The following RTL4 variants were observed in gnomAD, a reference collection of about 807,000 sequenced individuals.
The protein encoded by RTL4 is retrotransposon Gag like 4.
RTL4 carries 4 observed loss-of-function variants against 5.3 expected under a neutral mutation model. The observed-to-expected ratio is 0.75, with a 90% CI of 0.37 to 1.72. RTL4 has a LOEUF of 1.72. Ranked by LOEUF, RTL4 falls within the 40% of genes most tolerant of loss-of-function variation. The pLI is 0.04. For missense variants in RTL4, 260 were observed against 227.1 expected, an observed-to-expected ratio of 1.14 and a Z score of -0.93; for synonymous variants, 98 against 87.3, an observed-to-expected ratio of 1.12 and a Z score of -0.68.
At chrX:112,327,820 C>A in the RTL4 span, among the ~76,000 whole-genome samples, 1 of 111,755 alleles carries the variant, frequency 8.9e-6, no homozygotes, top group East Asian at 2.8e-4. Context: ...GGCAGAAACT[C>A]TACAAGCCAG....
At chrX:112,104,271 TACC>T in the RTL4 span, among the ~76,000 whole-genome samples, 1 of 112,401 alleles carries the variant, frequency 8.9e-6, no homozygotes, top group Admixed American at 9.5e-5. Flanking sequence ...TGTGTATATA[TACC>T]ACATTTTCTG....
the RTL4 span, among the ~76,000 whole-genome samples, chrX:112,298,610 T>C: frequency 8.9e-6 from 1 of 112,655 alleles, no homozygotes; most frequent in Non-Finnish European, 1.9e-5. Context: ...GATAGAAAAA[T>C]GTGTGCTCTG....
At chrX:112,127,424 A>G in the RTL4 span, among the ~76,000 whole-genome samples, 1 of 111,464 alleles carries the variant, frequency 9.0e-6, no homozygotes, top group Non-Finnish European at 1.9e-5. Flanking sequence ...ATAGAGGGGA[A>G]TTTTCTCAAC....
the RTL4 span, among the ~76,000 whole-genome samples, chrX:112,444,897 C>CT: frequency 8.9e-6 from 1 of 111,899 alleles, no homozygotes; most frequent in African/African-American, 3.2e-5. Context: ...GGTATTCTCT[C>CT]TTTTTTTCTT....
chrX:112,292,597 T>G, the RTL4 span, among the ~76,000 whole-genome samples: 1 of 111,988 alleles, frequency 8.9e-6, no homozygotes, highest in Non-Finnish European at 1.9e-5. Flanking sequence ...TTCCTTTAAA[T>G]AGGCATTTAA....
At chrX:112,326,880 C>T in the RTL4 span, among the ~76,000 whole-genome samples, 2 of 111,560 alleles carry the variant, frequency 1.8e-5, no homozygotes, top group Admixed American at 9.5e-5. Flanking sequence ...TGGGAGGCAC[C>T]CCCCAGCAGG....
the RTL4 span, among the ~76,000 whole-genome samples, chrX:112,347,609 C>G: frequency 9.0e-6 from 1 of 111,613 alleles, no homozygotes; most frequent in Non-Finnish European, 1.9e-5. Flanking sequence ...GGAACAGGAA[C>G]TCTGAGATCT....
chrX:112,273,465 G>A, the RTL4 span, among the ~76,000 whole-genome samples: 1 of 111,097 alleles, frequency 9.0e-6, no homozygotes, highest in Non-Finnish European at 1.9e-5. Flanking sequence ...TGTTAGCCAG[G>A]ATGGTCTCAA....
At chrX:112,325,004 A>G in the RTL4 span, among the ~76,000 whole-genome samples, 95 of 111,949 alleles carry the variant, frequency 8.5e-4, no homozygotes, top group African/African-American at 2.5e-3. Flanking sequence ...ATACACCAAT[A>G]GCAGACAAAC....
chrX:112,299,422 C>A, the RTL4 span, among the ~76,000 whole-genome samples: 1 of 112,216 alleles, frequency 8.9e-6, no homozygotes, highest in Non-Finnish European at 1.9e-5. Flanking sequence ...TTTTTTAATA[C>A]CACTGAACTG....
the RTL4 span, among the ~76,000 whole-genome samples, chrX:112,135,706 A>T: frequency 1.1e-3 from 125 of 110,361 alleles, no homozygotes; most frequent in African/African-American, 4.0e-3. Context: ...TGAGATACGG[A>T]TTAAAGTCAT....
the RTL4 span, among the ~76,000 whole-genome samples, chrX:112,302,270 A>G: frequency 9.1e-6 from 1 of 109,354 alleles, no homozygotes; most frequent in Non-Finnish European, 1.9e-5. Flanking sequence ...AAAAAAAAAA[A>G]AAAAAGCATT....
chrX:112,303,242 T>C, the RTL4 span, among the ~76,000 whole-genome samples: 1 of 111,768 alleles, frequency 8.9e-6, no homozygotes, highest in Admixed American at 9.5e-5. Flanking sequence ...AATGATTGTA[T>C]ACCAAACACA....
chrX:112,113,066 G>A, the RTL4 span, among the ~76,000 whole-genome samples: 1 of 111,839 alleles, frequency 8.9e-6, no homozygotes, highest in South Asian at 3.8e-4. Flanking sequence ...AGGGACTGCT[G>A]CATTTTCTTA....
chrX:112,389,754 G>T, the RTL4 span, among the ~76,000 whole-genome samples: 1 of 109,615 alleles, frequency 9.1e-6, no homozygotes, highest in African/African-American at 3.3e-5. Flanking sequence ...ATTGTCCTGT[G>T]GTCTGAGAAT....
the RTL4 span, among the ~76,000 whole-genome samples, chrX:112,326,502 C>G: frequency 8.9e-6 from 1 of 111,974 alleles, no homozygotes. Context: ...TCGGAGGGTC[C>G]TACGCCCACG....
the RTL4 span, among the ~76,000 whole-genome samples, chrX:112,111,021 C>T: frequency 0.15 from 16,510 of 111,505 alleles, 1,776 homozygotes; most frequent in African/African-American, 0.37. Context: ...TGGAGTGTTA[C>T]AGGGTCACGG....
At chrX:112,246,878 T>C in the RTL4 span, among the ~76,000 whole-genome samples, 1 of 111,876 alleles carries the variant, frequency 8.9e-6, no homozygotes, top group Non-Finnish European at 1.9e-5. Flanking sequence ...TTTGTATTTA[T>C]ATTTAAAGAG....
the RTL4 span, among the ~76,000 whole-genome samples, chrX:112,391,204 A>G: frequency 2.7e-5 from 3 of 111,458 alleles, no homozygotes; most frequent in Non-Finnish European, 5.7e-5. Context: ...TTTGTCCTTC[A>G]GCTCCTGTAT....
Sources: allele counts gnomAD v4.1 joint callset (sites outside exome capture counted in the v4.1 genomes callset), GRCh38; gene constraint gnomAD v4.1.1; transcripts MANE v1.5; gene names NCBI Gene and HGNC (gene_info 2026-07-23, HGNC 2026-07-21).